The following PCDH7 variants were observed in gnomAD, a reference collection of about 807,000 sequenced individuals.
PCDH7 encodes the protein protocadherin-7.
In PCDH7, 17 loss-of-function variants were observed where a neutral mutation model predicts 58.9. The ratio of observed to expected loss-of-function variants is 0.29; its 90% CI spans 0.20 to 0.43. The LOEUF is 0.43. Ranked by LOEUF, PCDH7 falls within the 20% of genes least tolerant of loss-of-function variation. PCDH7 has a pLI of 1.00. For missense variants in PCDH7, 1,274 were observed against 1,441.0 expected, an observed-to-expected ratio of 0.88 and a Z score of 1.88; for synonymous variants, 664 against 616.4, an observed-to-expected ratio of 1.08 and a Z score of -1.14.
intron 3 of PCDH7, among the ~76,000 whole-genome samples, chr4:31,093,452 A>G (rs955477493): frequency 2.0e-5 from 3 of 152,124 alleles, no homozygotes; most frequent in Admixed American, 6.6e-5. Flanking sequence ...CTTTAAAAAT[A>G]TACATCTCTG....
intron 1 of PCDH7, among the ~76,000 whole-genome samples, chr4:30,820,341 A>G (rs1202091373): frequency 6.6e-6 from 1 of 152,136 alleles, no homozygotes; most frequent in Non-Finnish European, 1.5e-5. Flanking sequence ...AAATGAAAAT[A>G]GTTCTTTTTG....
intron 1 of PCDH7, among the ~76,000 whole-genome samples, chr4:30,791,099 G>A (rs1724069573): frequency 6.6e-6 from 1 of 152,124 alleles, no homozygotes. Flanking sequence ...TCTTGCCACT[G>A]GAACCTAGAT....
At chr4:31,035,887 A>G (rs967901761) in intron 3 of PCDH7, among the ~76,000 whole-genome samples, 1 of 152,206 alleles carries the variant, frequency 6.6e-6, no homozygotes, top group African/African-American at 2.4e-5. Flanking sequence ...TTTTAGAAAT[A>G]TATTTATGGT....
intron 3 of PCDH7, among the ~76,000 whole-genome samples, chr4:31,127,444 C>G (rs945622269): frequency 6.6e-6 from 1 of 152,094 alleles, no homozygotes; most frequent in South Asian, 2.1e-4. Context: ...TGAATGTGTC[C>G]TACATCTTAA....
chr4:30,730,386 GA>G (rs1428901995), intron 1 of PCDH7, among the ~76,000 whole-genome samples: 3 of 152,122 alleles, frequency 2.0e-5, no homozygotes, highest in East Asian at 1.9e-4. Flanking sequence ...AGTGTTGTGG[GA>G]AAAATCACAT....
At chr4:31,039,622 C>T (rs926361650) in intron 3 of PCDH7, among the ~76,000 whole-genome samples, 5 of 152,264 alleles carry the variant, frequency 3.3e-5, no homozygotes, top group Admixed American at 6.5e-5. Context: ...TCCCAATAGC[C>T]ACTGCTGACT....
intron 1 of PCDH7, among the ~76,000 whole-genome samples, chr4:30,790,294 A>T (rs1356090947): frequency 6.6e-6 from 1 of 152,198 alleles, no homozygotes; most frequent in Admixed American, 6.5e-5. Flanking sequence ...AGATACTATT[A>T]TGTTCATGAT....
intron 3 of PCDH7, among the ~76,000 whole-genome samples, chr4:30,961,160 T>A (rs1748381300): frequency 6.6e-6 from 1 of 152,112 alleles, no homozygotes; most frequent in African/African-American, 2.4e-5. Flanking sequence ...GTGCTTATTA[T>A]ATTCTTAATA....
At chr4:30,908,656 A>G (rs756055320) in intron 1 of PCDH7, among the ~76,000 whole-genome samples, 7 of 152,152 alleles carry the variant, frequency 4.6e-5, no homozygotes, top group Admixed American at 3.3e-4. Context: ...CCTACCAACC[A>G]AAAAAATCCC....
chr4:30,805,587 C>T (rs1459442911), intron 1 of PCDH7, among the ~76,000 whole-genome samples: 7 of 151,988 alleles, frequency 4.6e-5, no homozygotes, highest in Admixed American at 1.3e-4. Flanking sequence ...TGGATTATTT[C>T]CCTCTCAAAT....
chr4:30,894,712 T>G (rs1339582662), intron 1 of PCDH7, among the ~76,000 whole-genome samples: 2 of 149,858 alleles, frequency 1.3e-5, no homozygotes, highest in African/African-American at 4.9e-5. Context: ...AATTCAGATG[T>G]TTTTATATGA....
At chr4:31,073,084 A>G (rs1347033820) in intron 3 of PCDH7, among the ~76,000 whole-genome samples, 2 of 152,170 alleles carry the variant, frequency 1.3e-5, no homozygotes, top group Non-Finnish European at 2.9e-5. Context: ...ATTATAGTAG[A>G]TGGAGAGTGT....
intron 3 of PCDH7, among the ~76,000 whole-genome samples, chr4:31,045,423 C>T (rs569757275): frequency 5.3e-5 from 8 of 152,022 alleles, no homozygotes; most frequent in African/African-American, 1.7e-4. Context: ...GAGCCATTTC[C>T]GTAGTGAACA....
At chr4:30,750,707 C>T (rs114578984) in intron 1 of PCDH7, among the ~76,000 whole-genome samples, 2 of 152,058 alleles carry the variant, frequency 1.3e-5, no homozygotes, top group African/African-American at 2.4e-5. Context: ...TACCAAGTTA[C>T]TGAGAACATG....
intron 3 of PCDH7, among the ~76,000 whole-genome samples, chr4:31,139,996 A>G (rs556898107): frequency 1.3e-5 from 2 of 152,324 alleles, no homozygotes; most frequent in South Asian, 2.1e-4. Context: ...CGTTAAAAGC[A>G]ATAGAGGAAA....
rs1722446831 is a variant in PCDH7, at chr4:30,779,013, T to TTG, written c.70+54418_70+54419insGT. On this transcript the variant is annotated intron_variant, in intron 1 of 3. Coordinates refer to the PCDH7 transcript ENST00000509759. ...TGGCCTCCTTACTCCGTTTTTTTTT[T>TTG]TTTTTTTTTTTTTTTTTTAAATGGA... is the stretch of plus-strand genomic sequence containing the variant. Among the ~76,000 whole-genome samples, 5 of 142,090 alleles carry TTG rather than the reference T, an allele frequency of 3.5e-5. 1 individual carries two copies. In the South Asian group the frequency reaches 1.1e-3, roughly 33 times the overall value. 93.2% of individuals were successfully genotyped at this position (142,090 alleles called of 152,430 possible).
At chr4:30,834,442 C>T (rs967579620) in intron 1 of PCDH7, among the ~76,000 whole-genome samples, 61 of 152,140 alleles carry the variant, frequency 4.0e-4, no homozygotes, top group Non-Finnish European at 2.5e-4. Context: ...CAACGTCACA[C>T]GGCTGTTGCA....
chr4:30,769,619 T>C (rs1413739453), intron 1 of PCDH7, among the ~76,000 whole-genome samples: 3 of 152,206 alleles, frequency 2.0e-5, no homozygotes, highest in Non-Finnish European at 4.4e-5. Flanking sequence ...CGTTTACATG[T>C]TGTCTATACT....
In PCDH7 at chr4:30,722,364, G is replaced by A. The variant is rs1350455789; in HGVS notation, c.942G>A (p.Glu314=). The stretch of plus-strand genomic sequence containing the variant: ...CCCGCTTCGAGAAGAGCGTGTACGA[G>A]GCCGACTTGGCTGAGAACAGCGCCC... The change falls in exon 1 of 2, where the codon GAG becomes GAA. Residue 314 remains glutamate, a synonymous_variant. Coordinates refer to ENST00000361762, the Ensembl canonical transcript of PCDH7. The surrounding 1 kb of genome is among the most constrained non-coding windows in gnomAD (Gnocchi z 7.6). 4 of 1,612,496 alleles carry A rather than the reference G, an allele frequency of 2.5e-6. No individual in the cohort carries two copies. The Admixed American group carries it at 5.0e-5, about 20-fold the overall frequency.
Sources: allele counts gnomAD v4.1 joint callset (sites outside exome capture counted in the v4.1 genomes callset), GRCh38; gene constraint gnomAD v4.1.1; non-coding constraint Gnocchi (gnomAD v3.1); transcripts MANE v1.5; gene names NCBI Gene and HGNC (gene_info 2026-07-23, HGNC 2026-07-21).